Variants in NEGR1 observed in about 807,000 individuals in gnomAD.
The protein encoded by NEGR1 is neuronal growth regulator 1.
A neutral mutation model predicts 40.9 loss-of-function variants in NEGR1; 10 were observed. That is an observed-to-expected ratio of 0.24 (90% CI 0.15 to 0.42). The LOEUF is 0.42. Ranked by LOEUF, NEGR1 falls within the 10% of genes least tolerant of loss-of-function variation. NEGR1 has a pLI of 1.00. For synonymous variants in NEGR1, 185 were observed against 166.8 expected (o/e 1.11, Z -0.84); for missense variants, 352 against 438.9 (o/e 0.80, Z 1.77).
intron 1 of NEGR1, among the ~76,000 whole-genome samples, chr1:72,270,193 G>T (rs1243631535): frequency 6.6e-6 from 1 of 151,778 alleles, no homozygotes; most frequent in African/African-American, 2.4e-5. Context: ...ATAGCTTATT[G>T]TACACAGCTG....
chr1:72,182,609 C>T (rs914338155), intron 1 of NEGR1, among the ~76,000 whole-genome samples: 1 of 151,488 alleles, frequency 6.6e-6, no homozygotes, highest in African/African-American at 2.4e-5. Flanking sequence ...AAGTATATAC[C>T]CAAATAAATA....
rs10604833 is a variant in NEGR1 at position 71,988,923 on chromosome 1, T to TAAAAAAAAAAAA, written c.177-53624_177-53613dup. Among the ~76,000 whole-genome samples, 10 of 82,232 alleles carry TAAAAAAAAAAAA rather than the reference T, an allele frequency of 1.2e-4. 2 individuals are homozygous for TAAAAAAAAAAAA. Among genetic ancestry groups the TAAAAAAAAAAAA allele is most frequent in the African/African-American group, 4.6e-4 (8 of 17,438 alleles). 53.9% of individuals were successfully genotyped at this position (82,232 alleles called of 152,430 possible). A position where few individuals can be genotyped will look rare whatever the true frequency, so the allele number is the denominator to read the frequency against. ...CAATGAGCTCTATCATATTGGATGT[T>TAAAAAAAAAAAA]AAAAAAAAAAAAAAAAAAAAAAAAA... On this transcript the variant is annotated intron_variant, in intron 1 of 6. Coordinates refer to ENST00000357731, the MANE Select transcript of NEGR1 (RefSeq NM_173808.3).
chr1:71,919,825 A>G (rs546585131), intron 2 of NEGR1, among the ~76,000 whole-genome samples: 1 of 152,286 alleles, frequency 6.6e-6, no homozygotes, highest in South Asian at 2.1e-4. Context: ...CCATTTCTTC[A>G]TATATCTAAG....
At chr1:72,201,657 G>A (rs1465756877) in intron 1 of NEGR1, among the ~76,000 whole-genome samples, 1 of 151,550 alleles carries the variant, frequency 6.6e-6, no homozygotes, top group Non-Finnish European at 1.5e-5. Context: ...TAATTTCAAA[G>A]ATGTTAAAAT....
chr1:72,174,776 AT>A (rs1652104757), intron 1 of NEGR1, among the ~76,000 whole-genome samples: 2 of 152,172 alleles, frequency 1.3e-5, no homozygotes, highest in African/African-American at 4.8e-5. Flanking sequence ...TTTAAAAAAA[AT>A]TTTCGGCTTT....
At chr1:72,013,169 A>T (rs181304591) in intron 1 of NEGR1, among the ~76,000 whole-genome samples, 1 of 152,172 alleles carries the variant, frequency 6.6e-6, no homozygotes, top group African/African-American at 2.4e-5. Context: ...AGAGACAAAA[A>T]TTAACTTGTA....
intron 1 of NEGR1, among the ~76,000 whole-genome samples, chr1:72,073,327 A>T (rs1178566950): frequency 1.3e-5 from 2 of 152,124 alleles, no homozygotes; most frequent in Non-Finnish European, 2.9e-5. Context: ...AACTCCTAGG[A>T]GTTAGAGGAG....
chr1:72,038,904 T>A (rs1646927996), intron 1 of NEGR1, among the ~76,000 whole-genome samples: 1 of 151,978 alleles, frequency 6.6e-6, no homozygotes, highest in African/African-American at 2.4e-5. Flanking sequence ...CCCTCACATC[T>A]AACAATGATA....
rs570700471 is a variant in NEGR1 at position 71,485,420 on chromosome 1, G to T, written c.941-77850C>A. Among the ~76,000 whole-genome samples, 17 of 151,678 alleles carry T rather than the reference G, an allele frequency of 1.1e-4. 1 individual carries two copies. In the South Asian group the frequency reaches 2.3e-3, roughly 20 times the overall value. ...GAGTGGTACATTTGTTACAATTGAT[G>T]AATCTGCACTGACACATTATTATCT... is the stretch of plus-strand genomic sequence containing the variant. On this transcript the variant is annotated intron_variant, in intron 6 of 6. Transcript: ENST00000357731.
intron 1 of NEGR1, among the ~76,000 whole-genome samples, chr1:72,225,665 G>A (rs950564724): frequency 6.0e-5 from 9 of 151,128 alleles, no homozygotes; most frequent in Non-Finnish European, 1.2e-4. Flanking sequence ...CATCATTAAT[G>A]GGCATTTAGT....
intron 2 of NEGR1, among the ~76,000 whole-genome samples, chr1:71,930,774 G>A (rs1290130262): frequency 1.3e-5 from 2 of 152,196 alleles, no homozygotes; most frequent in Admixed American, 6.5e-5. Flanking sequence ...AGCCGCTGGG[G>A]ACGGAAGAAG....
At chr1:71,728,629 T>G (rs1335890051) in intron 3 of NEGR1, among the ~76,000 whole-genome samples, 2 of 152,220 alleles carry the variant, frequency 1.3e-5, no homozygotes, top group East Asian at 3.8e-4. Flanking sequence ...GGAACTTTAC[T>G]GGCTGTGTGA....
At chr1:72,275,960 T>A (rs1656036151) in intron 1 of NEGR1, among the ~76,000 whole-genome samples, 1 of 151,846 alleles carries the variant, frequency 6.6e-6, no homozygotes, top group African/African-American at 2.4e-5. Context: ...GCCAGGTATG[T>A]TAGCACACAC....
intron 3 of NEGR1, among the ~76,000 whole-genome samples, chr1:71,732,426 G>A (rs1186184835): frequency 1.3e-5 from 2 of 152,000 alleles, no homozygotes; most frequent in East Asian, 1.9e-4. Context: ...CAGCCAATGT[G>A]TTCAATTTTA....
At chr1:72,050,631 G>T (rs1557501727) in intron 1 of NEGR1, among the ~76,000 whole-genome samples, 1 of 151,468 alleles carries the variant, frequency 6.6e-6, no homozygotes, top group African/African-American at 2.4e-5. Flanking sequence ...TATTGGATGT[G>T]GTAGCCAGCC....
chr1:71,492,949 T>G (rs1339127607), intron 6 of NEGR1, among the ~76,000 whole-genome samples: 1 of 152,152 alleles, frequency 6.6e-6, no homozygotes, highest in African/African-American at 2.4e-5. Context: ...CTCCCAAAAT[T>G]GTTCTCCATT....
chr1:71,979,386 A>G (rs1646335458), intron 1 of NEGR1, among the ~76,000 whole-genome samples: 1 of 152,148 alleles, frequency 6.6e-6, no homozygotes, highest in African/African-American at 2.4e-5. Context: ...AATAAGAAGA[A>G]AAAGTAAAAA....
In NEGR1 at chr1:72,016,619, G is replaced by A. The variant is rs17092130; in HGVS notation, c.177-81308C>T. Among the ~76,000 whole-genome samples the A allele has an allele frequency of 7.9e-3, 1,208 of 152,260 alleles. 10 individuals carry two copies. Among genetic ancestry groups the A allele is most frequent in the African/African-American group, 0.027 (1,117 of 41,550 alleles). On this transcript the variant is annotated intron_variant, in intron 1 of 6. Coordinates refer to ENST00000357731, the MANE Select transcript of NEGR1 (RefSeq NM_173808.3). Reference sequence around the variant, plus strand: ...TTTGACCCTTAAATGCTGAGATCTTGCTTTCACGTATGGGAAAAACACAAA... The same window carrying A: ...TTTGACCCTTAAATGCTGAGATCTTACTTTCACGTATGGGAAAAACACAAA...
chr1:72,142,600 G>A (rs1015150732), intron 1 of NEGR1, among the ~76,000 whole-genome samples: 3 of 151,724 alleles, frequency 2.0e-5, no homozygotes, highest in African/African-American at 7.3e-5. Context: ...TCACTATGTA[G>A]TATAAACATA....
Sources: gnomAD v4.1 joint callset for allele counts (sites outside exome capture counted in the v4.1 genomes callset) on GRCh38, gnomAD v4.1.1 for gene constraint, MANE v1.5 for transcripts, NCBI Gene and HGNC (gene_info 2026-07-23, HGNC 2026-07-21) for gene names.